RAD17: variants seen among roughly 807,000 people sequenced by gnomAD.
RAD17 encodes cell cycle checkpoint protein RAD17.
In RAD17, 31 loss-of-function variants were observed where a neutral mutation model predicts 81.5. That is an observed-to-expected ratio of 0.38 (90% CI 0.29 to 0.51). The LOEUF is 0.51. Ranked by LOEUF, RAD17 falls within the 20% of genes least tolerant of loss-of-function variation. RAD17 has a pLI of 0.88. For missense variants in RAD17, 681 were observed against 781.2 expected (o/e 0.87, Z 1.53); for synonymous variants, 261 against 266.2 (o/e 0.98, Z 0.19).
intron 17 of RAD17, among the ~76,000 whole-genome samples, chr5:69,408,365 T>C (rs954862803): frequency 1.3e-5 from 2 of 152,122 alleles, no homozygotes; most frequent in African/African-American, 4.8e-5. Context: ...TTCCTCCCTC[T>C]TCAGAGAGCT....
chr5:69,405,443 G>T (rs1351084310), intron 17 of RAD17, among the ~76,000 whole-genome samples: 1 of 151,346 alleles, frequency 6.6e-6, no homozygotes, highest in Non-Finnish European at 1.5e-5. Flanking sequence ...GAGGTGGGTG[G>T]ATCACCTGAG....
intron 6 of RAD17, among the ~76,000 whole-genome samples, chr5:69,378,276 G>GC (rs1763638809): frequency 6.6e-6 from 1 of 152,138 alleles, no homozygotes; most frequent in Admixed American, 6.5e-5. Flanking sequence ...TTTCAGGACA[G>GC]CTTCTTTCCT....
chr5:69,389,028 T>C lies in RAD17; in HGVS notation c.895-6T>C. 7.0e-7 allele frequency: 1 copy of C among 1,423,486 alleles called. No individual in the cohort carries two copies. The highest frequency in any genetic ancestry group is 9.4e-7 in the Non-Finnish European group (1 of 1,065,238). 88.2% of individuals were successfully genotyped at this position (1,423,486 alleles called of 1,614,324 possible). On this transcript the variant is annotated splice_region_variant and splice_polypyrimidine_tract_variant and intron_variant, in intron 11 of 18. Transcript: ENST00000354868. Reference sequence around the variant, plus strand: ...CTTTTTTTTAAATTTAATTTTCTTATTTTAGAATGGAGGAAAAATTACTGT... The same window carrying C: ...CTTTTTTTTAAATTTAATTTTCTTACTTTAGAATGGAGGAAAAATTACTGT...
At chr5:69,392,829 A>G in intron 13 of RAD17, 1 of 475,968 alleles carries the variant, frequency 2.1e-6, no homozygotes, top group South Asian at 1.6e-5. Context: ...AGTAAATAAA[A>G]GAGTAAAGAC....
intron 17 of RAD17, among the ~76,000 whole-genome samples, chr5:69,407,700 CT>C (rs1312342008): frequency 6.6e-6 from 1 of 151,496 alleles, no homozygotes; most frequent in African/African-American, 2.4e-5. Context: ...CCTCAACCCC[CT>C]GAGTAGCTGG....
chr5:69,400,210 T>TTATG (rs1312997652), intron 17 of RAD17, 41 bp downstream of exon 17: 6 of 1,135,656 alleles, frequency 5.3e-6, no homozygotes, highest in Non-Finnish European at 6.8e-6. Flanking sequence ...GAAGTAGGGT[T>TTATG]TATTTATTTA....
intron 10 of RAD17, 26 bp from the exon 11 acceptor site, chr5:69,386,370 C>T: frequency 6.3e-7 from 1 of 1,582,416 alleles, no homozygotes; most frequent in Non-Finnish European, 8.6e-7. Flanking sequence ...AATCATTTAA[C>T]TGCTATCTTT....
chr5:69,403,674 C>T (rs1221263227), intron 17 of RAD17, among the ~76,000 whole-genome samples: 2 of 152,178 alleles, frequency 1.3e-5, no homozygotes, highest in Non-Finnish European at 2.9e-5. Flanking sequence ...AATCCCAGAA[C>T]TTTGGGCGGC....
At chr5:69,377,598 C>CATATATATGTATACATATATATATGCAT (rs1763522766) in intron 6 of RAD17, among the ~76,000 whole-genome samples, 1 of 5,242 alleles carries the variant, frequency 1.9e-4, no homozygotes, top group Admixed American at 3.3e-3. Flanking sequence ...TATATATATG[C>CATATATATGTATACATATATATATGCAT]ATATATATAT....
rs139435741 is a variant in RAD17 at position 69,400,144 on chromosome 5, A to G, written c.1668A>G (p.Leu556=). The G allele has an allele frequency of 1.3e-5, 21 of 1,564,846 alleles. No homozygotes were observed. Among genetic ancestry groups the G allele is most frequent in the African/African-American group, 9.5e-5 (7 of 73,572 alleles). ...LQTQLLPYLA[L]LTIPMRNQAQ... ...CTCAGCTATTGCCATACCTTGCTCT[A>G]CTAACCATTCCAATGAGAAATCAAG... Residue 556 remains leucine, a synonymous_variant, in exon 17 of 19, where the codon CTA becomes CTG. Coordinates refer to ENST00000354868, the MANE Select transcript of RAD17 (RefSeq NM_133338.3).
In RAD17 at chr5:69,372,224, A is replaced by G; in HGVS notation, c.9+7A>G. The G allele has an allele frequency of 1.3e-6, 2 of 1,597,204 alleles. No individual in the cohort carries two copies. The highest frequency in any genetic ancestry group is 1.7e-6 in the Non-Finnish European group (2 of 1,165,078). On this transcript the variant is annotated splice_region_variant and intron_variant, in intron 4 of 18. Transcript: ENST00000354868. ...TGAGGACGAAATGAATCAGGTAGCT[A>G]TGACTAAAATTTTTTCCAGTGGTCT...
Position 69,389,076 on chromosome 5 carries a change from T to C in RAD17, c.937T>C (p.Leu313=). The C allele has an allele frequency of 6.4e-7, 1 of 1,555,226 alleles. No homozygotes were observed. Among genetic ancestry groups the C allele is most frequent in the Non-Finnish European group, 8.7e-7 (1 of 1,151,552 alleles). The stretch of plus-strand genomic sequence containing the variant: ...TGTCCCTGACAAAACTTCTCTAGAG[T>C]TGCTCTGTCAGGGATGTTCTGGTGA... ...ITVPDKTSLE[L]LCQGCSGDIR... Residue 313 remains leucine, a synonymous_variant, in exon 12 of 19, where the codon TTG becomes CTG. Coordinates refer to ENST00000354868, the MANE Select transcript of RAD17 (RefSeq NM_133338.3).
chr5:69,374,692 T>C lies in RAD17; in HGVS notation c.332T>C (p.Leu111Ser). The part of the protein sequence containing the change: ...EVETWLKAQV[L>S]ERQPKQGGSI... ...GAAACCTGGTTAAAAGCTCAAGTTTTAGAAAGGCAACCAAAACAGGTAACT... is the reference window on the plus strand; with the variant it reads ...GAAACCTGGTTAAAAGCTCAAGTTTCAGAAAGGCAACCAAAACAGGTAACT... The change falls in exon 6 of 19, where the codon TTA (leucine) becomes TCA (serine). Residue 111 changes from leucine to serine, a missense_variant. By Grantham distance (145) the Leu-to-Ser change is moderately radical. Coordinates refer to ENST00000354868, the MANE Select transcript of RAD17 (RefSeq NM_133338.3). The C allele has an allele frequency of 6.2e-7, 1 of 1,611,744 alleles. No individual in the cohort carries two copies.
intron 11 of RAD17, 110 bp downstream of exon 11, chr5:69,386,575 TTATTA>T (rs1764227152): frequency 8.2e-7 from 1 of 1,222,732 alleles, no homozygotes; most frequent in African/African-American, 1.6e-5. Context: ...TTAAAACATT[TTATTA>T]TACTCATAAG....
intron 11 of RAD17, among the ~76,000 whole-genome samples, 173 bp downstream of exon 11, chr5:69,386,638 A>G (rs1764230855): frequency 6.6e-6 from 1 of 152,194 alleles, no homozygotes; most frequent in African/African-American, 2.4e-5. Flanking sequence ...AAAAATCTTT[A>G]ACATTTTTCT....
intron 16 of RAD17, among the ~76,000 whole-genome samples, chr5:69,398,003 A>G (rs958343531): frequency 2.0e-5 from 3 of 152,044 alleles, no homozygotes; most frequent in African/African-American, 7.2e-5. Context: ...TGTAGTCCCA[A>G]CTACTCTGGA....
chr5:69,371,235 G>A, intron 2 of RAD17, 64 bp downstream of exon 2: 1 of 533,380 alleles, frequency 1.9e-6, no homozygotes, highest in African/African-American at 2.0e-5. Context: ...GAGTTCATGT[G>A]AAAAACTCTT....
chr5:69,396,681 G>A, intron 16 of RAD17, 135 bp downstream of exon 16: 1 of 1,018,856 alleles, frequency 9.8e-7, no homozygotes, highest in East Asian at 2.8e-5. Flanking sequence ...TAGTTGCTAA[G>A]GTCCACAATT....
rs1766251362 is a variant in RAD17, at chr5:69,414,435, AACCT to A, written c.*146_*149del. On this transcript the variant is annotated 3_prime_UTR_variant, in exon 19 of 19. Coordinates refer to ENST00000354868, the MANE Select transcript of RAD17 (RefSeq NM_133338.3). ...ATTCTTGTAGTATTTCATCACAAGA[AACCT>A]ACTCTTCTGTCATCTTGAAGTAAAT... The A allele has an allele frequency of 1.1e-5, 10 of 941,950 alleles. No homozygotes were observed. The East Asian group carries it at 2.6e-4, about 24-fold the overall frequency. 58.3% of individuals were successfully genotyped at this position (941,950 alleles called of 1,614,324 possible).
Sources: gnomAD v4.1 joint callset for allele counts (sites outside exome capture counted in the v4.1 genomes callset) on GRCh38, gnomAD v4.1.1 for gene constraint, MANE v1.5 for transcripts, NCBI Gene and HGNC (gene_info 2026-07-23, HGNC 2026-07-21) for gene names.